Variants in NRG1 observed in about 807,000 individuals in gnomAD.
The protein encoded by NRG1 is pro-neuregulin-1, membrane-bound isoform.
Under a neutral mutation model 63.8 loss-of-function variants are expected in NRG1, and 18 were observed. That is an observed-to-expected ratio of 0.28 (90% CI 0.19 to 0.42). The LOEUF (loss-of-function observed/expected upper bound fraction) is 0.42, where lower values mean the gene tolerates loss of function less well. NRG1 is among the 10% of genes least tolerant of loss of function. The pLI, the probability that NRG1 is intolerant of heterozygous loss-of-function variation, is 1.00. For missense variants in NRG1, 762 were observed against 814.7 expected, an observed-to-expected ratio of 0.94 and a Z score of 0.79; for synonymous variants, 302 against 301.3, an observed-to-expected ratio of 1.00 and a Z score of -0.02.
chr8:31,818,772 C>G (rs1179715076), intron 1 of NRG1, among the ~76,000 whole-genome samples: 1 of 152,048 alleles, frequency 6.6e-6, no homozygotes, highest in Non-Finnish European at 1.5e-5. Flanking sequence ...GTTATAAAAA[C>G]TTAGGCTGGG....
intron 5 of NRG1, among the ~76,000 whole-genome samples, chr8:32,650,541 G>C (rs1372955175): frequency 6.6e-6 from 1 of 151,074 alleles, no homozygotes; most frequent in Admixed American, 6.6e-5. Context: ...AGAGGTTGTT[G>C]TGGGGAGAGT....
intron 1 of NRG1, among the ~76,000 whole-genome samples, chr8:32,341,002 T>C (rs916170841): frequency 1.3e-5 from 2 of 152,216 alleles, no homozygotes; most frequent in African/African-American, 2.4e-5. Flanking sequence ...AAACACTTGC[T>C]GAACCCAATA....
intron 1 of NRG1, among the ~76,000 whole-genome samples, chr8:32,352,217 A>C (rs1459756480): frequency 1.3e-5 from 2 of 151,002 alleles, no homozygotes; most frequent in Non-Finnish European, 2.9e-5. Flanking sequence ...ACTGAAGTAG[A>C]GGCCCATTTT....
chr8:32,249,108 A>G (rs1383666682), intron 1 of NRG1, among the ~76,000 whole-genome samples: 1 of 15,358 alleles, frequency 6.5e-5, no homozygotes, highest in East Asian at 7.2e-4. Flanking sequence ...GAGATTCTAT[A>G]ACCTAATTTA....
intron 1 of NRG1, among the ~76,000 whole-genome samples, chr8:32,538,812 A>C (rs892788097): frequency 7.9e-5 from 12 of 152,184 alleles, no homozygotes; most frequent in African/African-American, 2.9e-4. Context: ...GAAGATAAAA[A>C]GATGATTCCT....
intron 1 of NRG1, among the ~76,000 whole-genome samples, chr8:32,584,219 C>T (rs1841212322): frequency 1.3e-5 from 2 of 152,112 alleles, no homozygotes; most frequent in South Asian, 4.2e-4. Context: ...TAATGTAGCA[C>T]CAGGTTTCTT....
intron 5 of NRG1, among the ~76,000 whole-genome samples, chr8:32,625,802 T>C (rs994251199): frequency 4.0e-5 from 6 of 148,436 alleles, no homozygotes; most frequent in African/African-American, 1.5e-4. Context: ...TTTCTTTTTT[T>C]TTTTTTTCTT....
At chr8:32,770,580 T>G (rs1453108160), downstream of NRG1, among the ~76,000 whole-genome samples, 1 of 152,192 alleles carries the variant, frequency 6.6e-6, no homozygotes, top group Admixed American at 6.5e-5. Flanking sequence ...AGAAGCCAAT[T>G]TCCTTGGCTT....
intron 1 of NRG1, among the ~76,000 whole-genome samples, chr8:31,986,238 A>G (rs1262471041): frequency 1.3e-5 from 2 of 152,036 alleles, no homozygotes; most frequent in African/African-American, 2.4e-5. Context: ...GTGACTGGCT[A>G]AAGTGCATCA....
Position 32,277,849 on chromosome 8 carries a change from CT to C in NRG1, c.38-317977del, listed in dbSNP as rs201406001. Reference sequence around the variant, plus strand: ...CCTGGCCTTCTGGTGACCACAAGGCCTTCAGCTACAGAAAATAAAATTCACC... The same window carrying C: ...CCTGGCCTTCTGGTGACCACAAGGCCTCAGCTACAGAAAATAAAATTCACC... On this transcript the variant is annotated intron_variant, in intron 1 of 10. Coordinates refer to the NRG1 transcript ENST00000519301. 5.0e-3 allele frequency among the ~76,000 whole-genome samples: 756 copies of C among 152,284 alleles called. 7 individuals are homozygous for C. The highest frequency in any genetic ancestry group is 0.017 in the African/African-American group (713 of 41,566).
chr8:32,639,977 A>T (rs1852028064), intron 5 of NRG1, among the ~76,000 whole-genome samples: 1 of 152,250 alleles, frequency 6.6e-6, no homozygotes, highest in South Asian at 2.1e-4. Context: ...TTGGATATGT[A>T]CATAAAAGCA....
intron 1 of NRG1, among the ~76,000 whole-genome samples, chr8:32,452,178 G>A (rs1452140517): frequency 6.6e-6 from 1 of 152,120 alleles, no homozygotes. Flanking sequence ...TTAATTGACT[G>A]TCAACTACAA....
In NRG1 at chr8:31,712,255, C is replaced by CTTTTTTTTTTTTTTTTTTTTTT. The variant is rs57363109; in HGVS notation, c.37+72833_37+72854dup. Reference sequence around the variant, plus strand: ...TGACTTCCTGTTTCTTCTTCATGATCTTTTTTTTTTTTTTTTTTTTTTTTT... The same window carrying CTTTTTTTTTTTTTTTTTTTTTT: ...TGACTTCCTGTTTCTTCTTCATGATCTTTTTTTTTTTTTTTTTTTTTTTTTTTTTTTTTTTTTTTTTTTTTTT... On this transcript the variant is annotated intron_variant, in intron 1 of 10. Coordinates refer to the NRG1 transcript ENST00000519301. Among the ~76,000 whole-genome samples, 117 of 72,352 alleles carry CTTTTTTTTTTTTTTTTTTTTTT rather than the reference C, an allele frequency of 1.6e-3. 18 individuals are homozygous for CTTTTTTTTTTTTTTTTTTTTTT. The highest frequency in any genetic ancestry group is 2.4e-3 in the Non-Finnish European group (96 of 39,668). 47.5% of individuals were successfully genotyped at this position (72,352 alleles called of 152,430 possible). A position where few individuals can be genotyped will look rare whatever the true frequency, so the allele number is the denominator to read the frequency against.
intron 1 of NRG1, among the ~76,000 whole-genome samples, chr8:31,951,930 A>G (rs2129623421): frequency 6.6e-6 from 1 of 152,346 alleles, no homozygotes; most frequent in East Asian, 1.9e-4. Context: ...TTTCACTAAG[A>G]CAAAAATTCC....
intron 1 of NRG1, among the ~76,000 whole-genome samples, chr8:32,395,466 G>T (rs2881652): frequency 0.91 from 138,018 of 152,260 alleles, 63,265 homozygotes; most frequent in Non-Finnish European, 0.95. Flanking sequence ...ATTGTAGTTT[G>T]AATTTGCATT....
At chr8:31,801,300 T>C (rs921889394) in intron 1 of NRG1, among the ~76,000 whole-genome samples, 1 of 152,230 alleles carries the variant, frequency 6.6e-6, no homozygotes, top group Non-Finnish European at 1.5e-5. Context: ...TGGTGTTTTG[T>C]TTCTATTGAT....
intron 1 of NRG1, among the ~76,000 whole-genome samples, chr8:32,143,498 TC>T (rs1367476002): frequency 6.6e-6 from 1 of 152,184 alleles, no homozygotes; most frequent in African/African-American, 2.4e-5. Flanking sequence ...CCCCAATGTT[TC>T]TACCAAGCTG....
chr8:31,857,665 T>C (rs1463544096), intron 1 of NRG1, among the ~76,000 whole-genome samples: 1 of 152,252 alleles, frequency 6.6e-6, no homozygotes, highest in Non-Finnish European at 1.5e-5. Context: ...CATGTGGTTA[T>C]GTTATACATC....
At chr8:32,089,766 A>G in intron 1 of NRG1, among the ~76,000 whole-genome samples, 1 of 152,232 alleles carries the variant, frequency 6.6e-6, no homozygotes, top group East Asian at 1.9e-4. Flanking sequence ...GGAGGAGCCT[A>G]TTACTTTTGG....
Sources: allele counts gnomAD v4.1 joint callset (sites outside exome capture counted in the v4.1 genomes callset), GRCh38; gene constraint gnomAD v4.1.1; transcripts MANE v1.5; gene names NCBI Gene and HGNC (gene_info 2026-07-23, HGNC 2026-07-21).